The following PHF20 variants were observed in gnomAD, a reference collection of about 807,000 sequenced individuals.
PHF20 encodes the protein PHD finger protein 20, also known as glioma-expressed antigen 2.
In PHF20, 23 loss-of-function variants were observed where a neutral mutation model predicts 113.5. The observed-to-expected ratio is 0.20, with a 90% CI of 0.15 to 0.29. PHF20 has a LOEUF of 0.29. Among genes scored for constraint, PHF20 ranks in the 10% least tolerant of loss-of-function variants. PHF20 has a pLI of 1.00. For synonymous variants in PHF20, 434 were observed against 457.3 expected (o/e 0.95, Z 0.65); for missense variants, 943 against 1,219.6 (o/e 0.77, Z 3.38).
At chr20:35,805,751 G>T (rs1173521423) in intron 2 of PHF20, among the ~76,000 whole-genome samples, 5 of 151,924 alleles carry the variant, frequency 3.3e-5, no homozygotes, top group Admixed American at 6.6e-5. Context: ...AAATGCTGGG[G>T]TTACAGGCAT....
intron 15 of PHF20, among the ~76,000 whole-genome samples, 196 bp downstream of exon 15, chr20:35,931,640 A>G (rs559244799): frequency 6.6e-6 from 1 of 152,276 alleles, no homozygotes; most frequent in South Asian, 2.1e-4. Flanking sequence ...CTTACATATA[A>G]TTAGGTTCAT....
intron 9 of PHF20, among the ~76,000 whole-genome samples, chr20:35,879,293 T>C (rs7271036): frequency 0.097 from 14,760 of 152,232 alleles, 772 homozygotes; most frequent in South Asian, 0.15. Flanking sequence ...AGCTGCATAA[T>C]GGTAGTATTT....
chr20:35,863,564 T>C (rs1600843217), intron 6 of PHF20, among the ~76,000 whole-genome samples, 164 bp downstream of exon 6: 2 of 152,202 alleles, frequency 1.3e-5, no homozygotes, highest in East Asian at 3.8e-4. Context: ...TGAATTTAAG[T>C]GAGGTACATA....
chr20:35,942,552 G>A (rs934973079), intron 17 of PHF20, among the ~76,000 whole-genome samples: 2 of 152,148 alleles, frequency 1.3e-5, no homozygotes, highest in African/African-American at 4.8e-5. Flanking sequence ...TAGCCCTGCC[G>A]AATGGGCAGT....
At chr20:35,926,867 C>T (rs1313445674) in intron 13 of PHF20, among the ~76,000 whole-genome samples, 1 of 152,176 alleles carries the variant, frequency 6.6e-6, no homozygotes, top group Non-Finnish European at 1.5e-5. Flanking sequence ...CACTGTCCAC[C>T]TTCTAGGGCT....
intron 1 of PHF20, among the ~76,000 whole-genome samples, chr20:35,785,428 T>G (rs1400708011): frequency 6.6e-6 from 1 of 152,048 alleles, no homozygotes; most frequent in Non-Finnish European, 1.5e-5. Context: ...CAAGCGATTC[T>G]CCTGCCTTAG....
intron 2 of PHF20, among the ~76,000 whole-genome samples, chr20:35,827,619 T>C (rs980129682): frequency 6.6e-5 from 10 of 151,832 alleles, no homozygotes; most frequent in Admixed American, 5.9e-4. Context: ...CCTGTCACTA[T>C]TAAAAATACA....
intron 10 of PHF20, 103 bp from the exon 11 acceptor site, chr20:35,913,142 TTCCC>T: frequency 7.6e-6 from 4 of 525,526 alleles, no homozygotes; most frequent in South Asian, 3.1e-5. Context: ...TGCTCCAGAC[TTCCC>T]AGGCAGAGCC....
intron 1 of PHF20, among the ~76,000 whole-genome samples, chr20:35,776,409 T>C (rs751168852): frequency 5.3e-5 from 8 of 152,226 alleles, no homozygotes; most frequent in Non-Finnish European, 1.2e-4. Context: ...AGACAAATGC[T>C]GGGGAGAAGA....
intron 2 of PHF20, among the ~76,000 whole-genome samples, chr20:35,823,261 A>G (rs2042202281): frequency 6.6e-6 from 1 of 151,996 alleles, no homozygotes; most frequent in Non-Finnish European, 1.5e-5. Flanking sequence ...TTTTCAGAAT[A>G]CAGTTGAGTT....
chr20:35,913,874 T>C (rs2055352562), intron 11 of PHF20, among the ~76,000 whole-genome samples, 159 bp from the exon 12 acceptor site: 1 of 152,144 alleles, frequency 6.6e-6, no homozygotes, highest in African/African-American at 2.4e-5. Context: ...GAGGAGGTGT[T>C]TGGGCCCCTT....
At chr20:35,873,466 GTTTTTT>G (rs759056358) in intron 9 of PHF20, among the ~76,000 whole-genome samples, 4 of 82,366 alleles carry the variant, frequency 4.9e-5, no homozygotes, top group Admixed American at 2.7e-4. Flanking sequence ...CTGTTTTTTT[GTTTTTT>G]TTTTTTTTTT....
chr20:35,853,672 T>G (rs1281884288), intron 4 of PHF20, among the ~76,000 whole-genome samples: 1 of 152,090 alleles, frequency 6.6e-6, no homozygotes, highest in Non-Finnish European at 1.5e-5. Flanking sequence ...ACAGTAGGAT[T>G]GCTTGAGCCC....
intron 9 of PHF20, 126 bp from the exon 10 acceptor site, chr20:35,899,243 GC>G (rs2055047948): frequency 7.2e-6 from 5 of 691,520 alleles, no homozygotes; most frequent in Non-Finnish European, 1.2e-5. Flanking sequence ...GGAGGTAATG[GC>G]AGTCTGATGT....
rs1160709203 is a variant in PHF20 at position 35,842,758 on chromosome 20, C to T, written c.255+14C>T. The T allele has an allele frequency of 1.2e-6, 2 of 1,610,540 alleles. No individual in the cohort carries two copies. The highest frequency in any genetic ancestry group is 1.7e-6 in the Non-Finnish European group (2 of 1,178,178). Reference sequence around the variant, plus strand: ...GATGGATCTTCTGTGAGTAACAAATCTGGGAAGTTCTGTAGTATGCAAGGT... The same window carrying T: ...GATGGATCTTCTGTGAGTAACAAATTTGGGAAGTTCTGTAGTATGCAAGGT... On this transcript the variant is annotated intron_variant, in intron 3 of 17. Coordinates refer to ENST00000374012, the MANE Select transcript of PHF20 (RefSeq NM_016436.5).
chr20:35,909,721 C>T (rs1048380778), intron 10 of PHF20, among the ~76,000 whole-genome samples: 2 of 152,150 alleles, frequency 1.3e-5, no homozygotes, highest in Non-Finnish European at 2.9e-5. Context: ...ACCCTTAAGT[C>T]CTATGTTCTC....
Position 35,914,182 on chromosome 20 carries a change from A to C in PHF20, c.1810A>C (p.Lys604Gln), listed in dbSNP as rs766721228. Reference protein sequence around the residue: ...HGPESGHHKGKVKALEEDNLS... With the variant: ...HGPESGHHKGQVKALEEDNLS... ...CCCAGAATCTGGACACCACAAAGGG[A>C]AAGTGAAAGCATTGGGTAAGGAGGC... is the stretch of plus-strand genomic sequence containing the variant. Residue 604 changes from lysine (K) to glutamine (Q), a missense_variant, in exon 12 of 18, where the codon AAA becomes CAA. Transcript: ENST00000374012. The C allele has an allele frequency of 3.2e-5, 52 of 1,613,974 alleles. No individual in the cohort carries two copies. Among genetic ancestry groups the C allele is most frequent in the Non-Finnish European group, 4.0e-5 (47 of 1,180,002 alleles).
chr20:35,890,230 A>G (rs984632537), intron 9 of PHF20, among the ~76,000 whole-genome samples: 6 of 150,502 alleles, frequency 4.0e-5, no homozygotes, highest in Non-Finnish European at 5.9e-5. Flanking sequence ...GGGTCTCACT[A>G]TGTTGCTCAG....
chr20:35,907,043 C>T (rs972402372), intron 10 of PHF20, among the ~76,000 whole-genome samples: 6 of 152,176 alleles, frequency 3.9e-5, no homozygotes, highest in African/African-American at 1.4e-4. Flanking sequence ...CTGCTTCTGT[C>T]TGCCCTTGAG....
Sources: allele counts gnomAD v4.1 joint callset (sites outside exome capture counted in the v4.1 genomes callset), GRCh38; gene constraint gnomAD v4.1.1; transcripts MANE v1.5; gene names NCBI Gene and HGNC (gene_info 2026-07-23, HGNC 2026-07-21).